The following CFAP95 variants were observed in gnomAD, a reference collection of about 807,000 sequenced individuals.
CFAP95 encodes cilia and flagella associated protein 95.
the CFAP95 span, among the ~76,000 whole-genome samples, chr9:69,880,396 G>T: frequency 6.6e-6 from 1 of 152,186 alleles, no homozygotes; most frequent in African/African-American, 2.4e-5. Context: ...CAAACACGGT[G>T]AGAACATGTG....
chr9:69,840,209 T>G, the CFAP95 span, among the ~76,000 whole-genome samples: 2 of 152,158 alleles, frequency 1.3e-5, no homozygotes, highest in Non-Finnish European at 2.9e-5. Context: ...GAATTTTTCA[T>G]TGCAACAAAT....
At chr9:69,904,730 G>T in the CFAP95 span, among the ~76,000 whole-genome samples, 1 of 152,090 alleles carries the variant, frequency 6.6e-6, no homozygotes, top group African/African-American at 2.4e-5. Flanking sequence ...TCATTTAAAG[G>T]ACCTCTATTT....
chr9:69,851,510 A>C, the CFAP95 span, among the ~76,000 whole-genome samples: 768 of 152,242 alleles, frequency 5.0e-3, 14 homozygotes, highest in East Asian at 0.041. Context: ...GGGTAGGCCG[A>C]GTTGGATAAT....
the CFAP95 span, among the ~76,000 whole-genome samples, chr9:69,830,362 G>C: frequency 0.046 from 6,941 of 152,138 alleles, 517 homozygotes; most frequent in African/African-American, 0.16. Context: ...AGGAGTGCTG[G>C]GCTGGCAGTC....
the CFAP95 span, among the ~76,000 whole-genome samples, chr9:69,893,390 C>T: frequency 5.3e-5 from 8 of 152,306 alleles, 2 homozygotes; most frequent in Admixed American, 4.6e-4. Context: ...TGCTGAAAAA[C>T]AGAAAGAGCT....
chr9:69,824,750 T>C, the CFAP95 span, among the ~76,000 whole-genome samples: 1 of 152,222 alleles, frequency 6.6e-6, no homozygotes, highest in Non-Finnish European at 1.5e-5. Flanking sequence ...ATACACGTTA[T>C]GTAAGGTGTT....
At chr9:69,852,841 A>C in the CFAP95 span, among the ~76,000 whole-genome samples, 7 of 152,072 alleles carry the variant, frequency 4.6e-5, no homozygotes, top group Admixed American at 3.9e-4. Context: ...GTCTCATGAG[A>C]TCTAATGGCT....
chr9:69,874,841 T>G, the CFAP95 span, among the ~76,000 whole-genome samples: 4 of 152,202 alleles, frequency 2.6e-5, no homozygotes, highest in East Asian at 7.7e-4. Flanking sequence ...ACAGGCTTGT[T>G]CCTGCTGGTT....
the CFAP95 span, chr9:69,886,956 A>G: frequency 3.0e-6 from 4 of 1,315,340 alleles, no homozygotes; most frequent in Non-Finnish European, 3.3e-6. Context: ...ATTTGCACCT[A>G]GTATAGTCAA....
chr9:69,871,627 G>A, the CFAP95 span, among the ~76,000 whole-genome samples: 2 of 152,050 alleles, frequency 1.3e-5, no homozygotes, highest in Non-Finnish European at 2.9e-5. Flanking sequence ...TTAATTACGG[G>A]GGTAAAGCAG....
the CFAP95 span, chr9:69,856,563 A>G: frequency 6.2e-7 from 1 of 1,602,446 alleles, no homozygotes; most frequent in African/African-American, 1.3e-5. Flanking sequence ...AGATTTGGAC[A>G]TCAGAAACAC....
the CFAP95 span, among the ~76,000 whole-genome samples, chr9:69,867,358 A>G: frequency 1.3e-5 from 2 of 152,142 alleles, no homozygotes; most frequent in Admixed American, 1.3e-4. Flanking sequence ...GTAAGTCTTT[A>G]TTGAGTCTAA....
the CFAP95 span, among the ~76,000 whole-genome samples, chr9:69,857,679 C>T: frequency 6.6e-6 from 1 of 152,110 alleles, no homozygotes; most frequent in East Asian, 1.9e-4. Flanking sequence ...CACATGCTGC[C>T]ACGTCCGGCT....
chr9:69,847,388 A>G, the CFAP95 span, among the ~76,000 whole-genome samples: 9 of 152,218 alleles, frequency 5.9e-5, no homozygotes, highest in Admixed American at 3.3e-4. Context: ...GAAAAGTCAA[A>G]CAGCTAGAAA....
the CFAP95 span, among the ~76,000 whole-genome samples, chr9:69,843,546 CTCCTCCTCCTCCT>C: frequency 6.7e-5 from 2 of 29,882 alleles, no homozygotes; most frequent in Non-Finnish European, 1.3e-4. Context: ...CCTCCTCCTC[CTCCTCCTCCTCCT>C]TCTTCTTCTT....
chr9:69,858,413 G>A, the CFAP95 span, among the ~76,000 whole-genome samples: 1 of 152,300 alleles, frequency 6.6e-6, no homozygotes, highest in East Asian at 1.9e-4. Flanking sequence ...TCTATTCAGT[G>A]ACACGTTTTT....
At chr9:69,893,558 T>G in the CFAP95 span, among the ~76,000 whole-genome samples, 2 of 152,220 alleles carry the variant, frequency 1.3e-5, no homozygotes, top group African/African-American at 4.8e-5. Flanking sequence ...CATTTCAGCA[T>G]AGACAGTCTC....
At chr9:69,843,553 TC>T in the CFAP95 span, among the ~76,000 whole-genome samples, 499 of 23,244 alleles carry the variant, frequency 0.021, 72 homozygotes, top group Non-Finnish European at 0.033. Context: ...CTCCTCCTCC[TC>T]CTCCTTCTTC....
chr9:69,899,439 T>G, the CFAP95 span, among the ~76,000 whole-genome samples: 1 of 152,208 alleles, frequency 6.6e-6, no homozygotes, highest in Non-Finnish European at 1.5e-5. Context: ...TGCCATAATT[T>G]AAATAGTTCT....
Sources: gnomAD v4.1 joint callset for allele counts (sites outside exome capture counted in the v4.1 genomes callset) on GRCh38, gnomAD v4.1.1 for gene constraint, MANE v1.5 for transcripts, NCBI Gene and HGNC (gene_info 2026-07-23, HGNC 2026-07-21) for gene names.